The following VPS4A variants were observed in gnomAD, a reference collection of about 807,000 sequenced individuals.
VPS4A encodes the protein vacuolar protein sorting 4 homolog A.
VPS4A carries 20 observed loss-of-function variants against 52.3 expected under a neutral mutation model. The observed-to-expected ratio is 0.38, with a 90% CI of 0.27 to 0.56. The LOEUF is 0.56. VPS4A is among the 20% of genes least tolerant of loss of function. The probability of loss-of-function intolerance (pLI) is 0.72; values close to 1 mark genes in which losing one functional copy is unlikely to be tolerated. For synonymous variants in VPS4A, 293 were observed against 227.7 expected (o/e 1.29, Z -2.58); for missense variants, 419 against 575.9 (o/e 0.73, Z 2.79).
chr16:69,312,715 C>A (rs1436581020), intron 1 of VPS4A, among the ~76,000 whole-genome samples: 1 of 151,852 alleles, frequency 6.6e-6, no homozygotes, highest in Admixed American at 6.6e-5. Flanking sequence ...CAGGTTCAAG[C>A]GATTCTCCTG....
intron 10 of VPS4A, chr16:69,323,645 G>A (rs1430681630): frequency 2.2e-6 from 1 of 455,994 alleles, no homozygotes; most frequent in Non-Finnish European, 4.4e-6. Context: ...TGGTGTTGGG[G>A]GTGTGCAGCT....
Position 69,316,383 on chromosome 16 carries a change from G to A in VPS4A, c.281+11G>A, listed in dbSNP as rs781729802. On this transcript the variant is annotated intron_variant, in intron 3 of 10. Coordinates refer to ENST00000254950, the MANE Select transcript of VPS4A (RefSeq NM_013245.3). The stretch of plus-strand genomic sequence containing the variant: ...GAGTGAGGGCAAGGGGTGAGTGTCT[G>A]CAGCGTCCGCCCAGGAACCTGGGCC... The A allele has an allele frequency of 1.2e-6, 2 of 1,613,010 alleles. No homozygotes were observed. Among genetic ancestry groups the A allele is most frequent in the East Asian group, 2.2e-5 (1 of 44,896 alleles).
rs1378788089 is a variant in VPS4A, at chr16:69,324,623, T to C, written c.*314T>C. On this transcript the variant is annotated 3_prime_UTR_variant, in exon 11 of 11. Coordinates refer to ENST00000254950, the MANE Select transcript of VPS4A (RefSeq NM_013245.3). Reference sequence around the variant, plus strand: ...TAAATTAATGCTGCTTGGATTTTCATCTTATTTATAAAGATAAAATCACCT... The same window carrying C: ...TAAATTAATGCTGCTTGGATTTTCACCTTATTTATAAAGATAAAATCACCT... 4 of 305,520 alleles carry C rather than the reference T, an allele frequency of 1.3e-5. No homozygotes were observed. Among genetic ancestry groups the C allele is most frequent in the Non-Finnish European group, 2.6e-5 (4 of 156,310 alleles). 18.9% of individuals were successfully genotyped at this position (305,520 alleles called of 1,614,324 possible).
intron 3 of VPS4A, among the ~76,000 whole-genome samples, 192 bp from the exon 4 acceptor site, chr16:69,318,458 G>T (rs1167130517): frequency 2.6e-5 from 4 of 152,240 alleles, no homozygotes. Context: ...TTGCTGGGGG[G>T]GTCCTGAAGT....
At chr16:69,319,941 C>T (rs772096034) in intron 6 of VPS4A, among the ~76,000 whole-genome samples, 200 bp from the exon 7 acceptor site, 2 of 152,110 alleles carry the variant, frequency 1.3e-5, no homozygotes, top group Admixed American at 6.5e-5. Context: ...TGAGGCTCTG[C>T]GTTTGGGGCT....
At chr16:69,322,745 G>A in intron 10 of VPS4A, 45 bp downstream of exon 10, 1 of 1,569,536 alleles carries the variant, frequency 6.4e-7, no homozygotes, top group Non-Finnish European at 8.7e-7. Flanking sequence ...ACAGAGCCCA[G>A]AAAATTGAGG....
intron 1 of VPS4A, among the ~76,000 whole-genome samples, chr16:69,315,340 G>A (rs1478055303): frequency 6.6e-6 from 1 of 152,206 alleles, no homozygotes; most frequent in Non-Finnish European, 1.5e-5. Flanking sequence ...GTTCTCTTCT[G>A]TTGGCAGCAG....
chr16:69,326,726 G>T lies in VPS4A; in HGVS notation c.*2417G>T, dbSNP rs935545815. 4.6e-5 allele frequency: 7 copies of T among 152,220 alleles called. No individual in the cohort carries two copies. The highest frequency in any genetic ancestry group is 1.7e-4 in the African/African-American group (7 of 41,442). 9.4% of individuals were successfully genotyped at this position (152,220 alleles called of 1,614,324 possible). A position where few individuals can be genotyped will look rare whatever the true frequency, so the allele number is the denominator to read the frequency against. ...GTTAAACATGCTGACATGTGCAGAG[G>T]AGTTTCCTCCCTGAAATGCTCTGAA... On this transcript the variant is annotated 3_prime_UTR_variant, in exon 11 of 11. Coordinates refer to ENST00000254950, the MANE Select transcript of VPS4A (RefSeq NM_013245.3).
intron 1 of VPS4A, among the ~76,000 whole-genome samples, chr16:69,313,280 C>T (rs1965399533): frequency 6.6e-6 from 1 of 151,950 alleles, no homozygotes; most frequent in Admixed American, 6.6e-5. Context: ...CCACTGTGCC[C>T]AGCGCAACTC....
chr16:69,319,475 C>T lies in VPS4A; in HGVS notation c.552C>T (p.Ala184=). Residue 184 remains alanine (A), a synonymous_variant, in exon 6 of 11, where the codon GCC becomes GCT. Coordinates refer to ENST00000254950, the MANE Select transcript of VPS4A (RefSeq NM_013245.3). ...TGGCCAAAGCCGTGGCAACAGAGGC[C>T]AACAACTCCACCTTCTTCTCTGTGT... The part of the protein sequence containing the change: ...SYLAKAVATE[A]NNSTFFSVSS... The T allele has an allele frequency of 6.2e-7, 1 of 1,614,022 alleles. No homozygotes were observed. Among genetic ancestry groups the T allele is most frequent in the African/African-American group, 1.3e-5 (1 of 75,072 alleles).
At chr16:69,324,067 C>T in intron 10 of VPS4A, 141 bp from the exon 11 acceptor site, 1 of 732,156 alleles carries the variant, frequency 1.4e-6, no homozygotes, top group East Asian at 2.7e-5. Context: ...GGGTCCCTGC[C>T]ATAGGCAGAT....
At position 69,316,112 on chromosome 16, in the gene VPS4A, T is replaced by C; in HGVS notation, c.126T>C (p.Ala42=). ...YQHAVEYFLH[A]IKYEAHSDKA... ...ATGCGGTGGAGTACTTCCTCCACGC[T>C]ATCAAGTGTGAGTCACACGAGGGGT... Residue 42 remains alanine, a synonymous_variant, in exon 2 of 11, where the codon GCT becomes GCC. Coordinates refer to ENST00000254950, the MANE Select transcript of VPS4A (RefSeq NM_013245.3). The C allele has an allele frequency of 6.2e-7, 1 of 1,613,316 alleles. No homozygotes were observed. Among genetic ancestry groups the C allele is most frequent in the South Asian group, 1.1e-5 (1 of 91,084 alleles).
Position 69,320,782 on chromosome 16 carries a change from C to G in VPS4A, c.851+13C>G. ...CCATCAGGAGGAGGTGAGTCTTCCC[C>G]AGGAGAAGCCAGGGCTGGAGGCTTC... On this transcript the variant is annotated intron_variant, in intron 8 of 10. Transcript: ENST00000254950. The surrounding 1 kb of genome is among the most constrained non-coding windows in gnomAD (Gnocchi z 4.2). 1 of 1,592,902 alleles carries G rather than the reference C, an allele frequency of 6.3e-7. No individual in the cohort carries two copies. Among genetic ancestry groups the G allele is most frequent in the Non-Finnish European group, 8.6e-7 (1 of 1,169,550 alleles).
chr16:69,324,121 A>C (rs901240931), intron 10 of VPS4A, 87 bp from the exon 11 acceptor site: 1 of 1,380,056 alleles, frequency 7.2e-7, no homozygotes. Flanking sequence ...ACCTCTTCCC[A>C]CCCTCAGCTG....
At chr16:69,315,431 T>TTA (rs1965424082) in intron 1 of VPS4A, among the ~76,000 whole-genome samples, 1 of 152,198 alleles carries the variant, frequency 6.6e-6, no homozygotes. Flanking sequence ...GGGTGTCACT[T>TTA]TAGACAGCGA....
At chr16:69,322,310 C>T in intron 9 of VPS4A, 2 of 372,478 alleles carry the variant, frequency 5.4e-6, no homozygotes, top group Non-Finnish European at 4.8e-6. Context: ...CTTTTAATGT[C>T]ACTGTATTCC....
Position 69,320,725 on chromosome 16 carries a change from A to G in VPS4A, c.807A>G (p.Gly269=). 1 of 1,608,976 alleles carries G rather than the reference A, an allele frequency of 6.2e-7. No homozygotes were observed. Among genetic ancestry groups the G allele is most frequent in the Admixed American group, 1.7e-5 (1 of 59,272 alleles). The part of the protein sequence containing the change: ...GNNNDGTLVL[G]ATNIPWVLDS... ...ACAATGATGGGACTCTGGTTCTTGG[A>G]GCCACAAACATCCCATGGGTGTTGG... is the stretch of plus-strand genomic sequence containing the variant. Residue 269 remains glycine, a synonymous_variant, in exon 8 of 11, where the codon GGA becomes GGG. Transcript: ENST00000254950. The surrounding 1 kb of genome is among the most constrained non-coding windows in gnomAD (Gnocchi z 4.2).
intron 3 of VPS4A, 142 bp from the exon 4 acceptor site, chr16:69,318,508 T>C: frequency 1.2e-6 from 1 of 866,454 alleles, no homozygotes; most frequent in Non-Finnish European, 1.8e-6. Flanking sequence ...CCTGAAGTAC[T>C]TGCTTGAGTC....
chr16:69,316,249 A>G lies in VPS4A; in HGVS notation c.158A>G (p.Lys53Arg). 1 of 1,613,734 alleles carries G rather than the reference A, an allele frequency of 6.2e-7. No homozygotes were observed. Among genetic ancestry groups the G allele is most frequent in the Non-Finnish European group, 8.5e-7 (1 of 1,179,870 alleles). Reference protein sequence around the residue: ...IKYEAHSDKAKESIRAKCVQY... With the variant: ...IKYEAHSDKARESIRAKCVQY... The stretch of plus-strand genomic sequence containing the variant: ...GATGAGGCCCACAGCGACAAGGCCA[A>G]GGAGAGCATTCGAGCCAAGTGCGTG... Residue 53 changes from lysine (K) to arginine (R), a missense_variant, in exon 3 of 11, where the codon AAG (lysine) becomes AGG (arginine). Lys to Arg is a conservative substitution (Grantham distance 26). Around this residue, in one of 3 missense-constraint regions of VPS4A, gnomAD observed 131 missense variants for 165.4 expected, o/e 0.79. Transcript: ENST00000254950.
Sources: gnomAD v4.1 joint callset for allele counts (sites outside exome capture counted in the v4.1 genomes callset) on GRCh38, gnomAD v4.1.1 for gene constraint, gnomAD v4.1.1 regional missense constraint, Gnocchi (gnomAD v3.1) non-coding constraint, MANE v1.5 for transcripts, NCBI Gene and HGNC (gene_info 2026-07-23, HGNC 2026-07-21) for gene names.